The following AFG1L variants were observed in gnomAD, a reference collection of about 807,000 sequenced individuals.
AFG1L encodes the protein AFG1 like ATPase, also known as AFG1-like ATPase.
Under a neutral mutation model 62.2 loss-of-function variants are expected in AFG1L, and 53 were observed. The ratio of observed to expected loss-of-function variants is 0.85; its 90% CI spans 0.68 to 1.07. The LOEUF (loss-of-function observed/expected upper bound fraction) is 1.07, where lower values mean the gene tolerates loss of function less well. Among genes scored for constraint, AFG1L ranks in the 50% least tolerant of loss-of-function variants. The pLI, the probability that AFG1L is intolerant of heterozygous loss-of-function variation, is 0.00. For missense variants in AFG1L, 555 were observed against 590.5 expected, an observed-to-expected ratio of 0.94 and a Z score of 0.62; for synonymous variants, 228 against 210.3, an observed-to-expected ratio of 1.08 and a Z score of -0.73.
chr6:108,459,450 A>T (rs1374931049), intron 8 of AFG1L, among the ~76,000 whole-genome samples: 1 of 152,162 alleles, frequency 6.6e-6, no homozygotes, highest in Admixed American at 6.6e-5. Context: ...TCTGCAAACC[A>T]TTGTTTCATA....
intron 7 of AFG1L, among the ~76,000 whole-genome samples, chr6:108,416,964 G>T (rs1219470685): frequency 6.6e-6 from 1 of 151,844 alleles, no homozygotes; most frequent in African/African-American, 2.4e-5. Context: ...TGGGCTGGGT[G>T]TGGTGGCTCA....
intron 6 of AFG1L, among the ~76,000 whole-genome samples, chr6:108,398,663 A>AT (rs2114618205): frequency 6.6e-6 from 1 of 152,328 alleles, no homozygotes; most frequent in African/African-American, 2.4e-5. Flanking sequence ...ATTCTTCTGC[A>AT]TATGGATATC....
chr6:108,471,672 G>A (rs1772903491), intron 8 of AFG1L, among the ~76,000 whole-genome samples: 1 of 151,862 alleles, frequency 6.6e-6, no homozygotes, highest in Non-Finnish European at 1.5e-5. Context: ...TGTTGGCCAG[G>A]TTGGTCTTGA....
intron 8 of AFG1L, among the ~76,000 whole-genome samples, chr6:108,457,370 G>A (rs1772290977): frequency 1.3e-5 from 2 of 151,810 alleles, no homozygotes; most frequent in South Asian, 4.1e-4. Context: ...TTAGGGCATA[G>A]CGTAAGCACC....
At chr6:108,361,139 A>G (rs1474882867) in intron 5 of AFG1L, among the ~76,000 whole-genome samples, 1 of 152,214 alleles carries the variant, frequency 6.6e-6, no homozygotes, top group Non-Finnish European at 1.5e-5. Context: ...GGGGTCCCTC[A>G]CACAGGAAAC....
chr6:108,465,176 T>C (rs17291124), intron 8 of AFG1L, among the ~76,000 whole-genome samples: 3,461 of 152,324 alleles, frequency 0.023, 50 homozygotes, highest in South Asian at 0.043. Flanking sequence ...GATATTTTCT[T>C]CTATGCTATG....
intron 7 of AFG1L, among the ~76,000 whole-genome samples, chr6:108,442,792 T>C (rs1014359270): frequency 6.6e-6 from 1 of 152,164 alleles, no homozygotes; most frequent in Non-Finnish European, 1.5e-5. Context: ...GTCCTAGTGT[T>C]AGCACTGAAA....
At chr6:108,461,869 C>T (rs939430521) in intron 8 of AFG1L, among the ~76,000 whole-genome samples, 32 of 152,052 alleles carry the variant, frequency 2.1e-4, no homozygotes, top group African/African-American at 5.8e-4. Context: ...CCGAGGTGGG[C>T]GGATCACGAG....
intron 8 of AFG1L, among the ~76,000 whole-genome samples, chr6:108,470,541 T>C (rs1474496772): frequency 6.6e-6 from 1 of 151,594 alleles, no homozygotes; most frequent in Non-Finnish European, 1.5e-5. Flanking sequence ...TTAATTGTAA[T>C]TCTAGGACAA....
intron 7 of AFG1L, among the ~76,000 whole-genome samples, chr6:108,445,633 T>TGA (rs59323063): frequency 0.047 from 6,033 of 129,674 alleles, 207 homozygotes; most frequent in East Asian, 0.15. Context: ...ACACCTAAGG[T>TGA]GAGAGAGAGA....
At chr6:108,521,382 C>G (rs1043008625) in intron 12 of AFG1L, 1 of 152,074 alleles carries the variant, frequency 6.6e-6, no homozygotes, top group African/African-American at 2.4e-5. Flanking sequence ...ACCTGTAATC[C>G]TAGCTACTGG....
chr6:108,385,141 G>A (rs1780706427), intron 6 of AFG1L, among the ~76,000 whole-genome samples: 1 of 152,204 alleles, frequency 6.6e-6, no homozygotes, highest in Non-Finnish European at 1.5e-5. Context: ...CTAAGGTAAA[G>A]AGCAAATCTA....
intron 7 of AFG1L, among the ~76,000 whole-genome samples, chr6:108,405,421 C>T (rs1340536768): frequency 6.6e-6 from 1 of 152,170 alleles, no homozygotes; most frequent in African/African-American, 2.4e-5. Context: ...TCATAGCTTA[C>T]TGCAGCCTCA....
intron 6 of AFG1L, among the ~76,000 whole-genome samples, chr6:108,366,991 T>C (rs1375238216): frequency 1.3e-5 from 2 of 152,154 alleles, no homozygotes; most frequent in East Asian, 3.9e-4. Context: ...CCTTTGTCTT[T>C]GCTCAGAAGT....
intron 2 of AFG1L, among the ~76,000 whole-genome samples, chr6:108,336,419 C>T (rs1778479229): frequency 6.6e-6 from 1 of 152,070 alleles, no homozygotes; most frequent in Non-Finnish European, 1.5e-5. Context: ...TGGATAGTGA[C>T]CCAGAAAGGC....
At chr6:108,349,474 AC>A (rs1189237429) in intron 3 of AFG1L, among the ~76,000 whole-genome samples, 1 of 150,206 alleles carries the variant, frequency 6.7e-6, no homozygotes, top group Non-Finnish European at 1.5e-5. Context: ...ACAGAGTGAG[AC>A]CCCCATCTCA....
chr6:108,518,085 G>A (rs1281232081), intron 11 of AFG1L, among the ~76,000 whole-genome samples: 4 of 152,232 alleles, frequency 2.6e-5, no homozygotes, highest in Admixed American at 2.0e-4. Context: ...CATTGTGGAA[G>A]TCAGTGTGGC....
intron 4 of AFG1L, among the ~76,000 whole-genome samples, chr6:108,356,428 C>T: frequency 6.6e-6 from 1 of 152,148 alleles, no homozygotes; most frequent in East Asian, 1.9e-4. Flanking sequence ...TGTCTATTAC[C>T]TTGTCATTTC....
chr6:108,317,804 G>A (rs965922702), intron 1 of AFG1L, among the ~76,000 whole-genome samples: 5 of 152,120 alleles, frequency 3.3e-5, no homozygotes, highest in African/African-American at 1.2e-4. Context: ...CTTGGCCTGT[G>A]CCCAGGAATG....
Sources: gnomAD v4.1 joint callset for allele counts (sites outside exome capture counted in the v4.1 genomes callset) on GRCh38, gnomAD v4.1.1 for gene constraint, MANE v1.5 for transcripts, NCBI Gene and HGNC (gene_info 2026-07-23, HGNC 2026-07-21) for gene names.